Variants in TMEM117 observed in about 807,000 individuals in gnomAD.
TMEM117 encodes transmembrane protein 117.
TMEM117 carries 27 observed loss-of-function variants against 52.4 expected under a neutral mutation model. The ratio of observed to expected loss-of-function variants is 0.51; its 90% CI spans 0.38 to 0.71. TMEM117 has a LOEUF of 0.71. TMEM117 is among the 30% of genes least tolerant of loss of function. The pLI, the probability that TMEM117 is intolerant of heterozygous loss-of-function variation, is 0.00. For synonymous variants in TMEM117, 215 were observed against 206.3 expected, an observed-to-expected ratio of 1.04 and a Z score of -0.36; for missense variants, 556 against 630.5, an observed-to-expected ratio of 0.88 and a Z score of 1.26.
chr12:43,912,532 T>TATATATATATATATATATAG (rs1565747590), intron 2 of TMEM117, among the ~76,000 whole-genome samples: 3 of 120,450 alleles, frequency 2.5e-5, no homozygotes, highest in Admixed American at 1.7e-4. Flanking sequence ...TATATATATA[T>TATATATATATATATATATAG]ATATGGCAGA....
At chr12:44,009,083 C>A in intron 3 of TMEM117, 1 of 359,574 alleles carries the variant, frequency 2.8e-6, no homozygotes, top group Non-Finnish European at 5.4e-6. Context: ...TGTGGTGTTT[C>A]CCATGAAGAC....
chr12:44,022,874 T>G (rs554307891), intron 3 of TMEM117, among the ~76,000 whole-genome samples: 1 of 151,942 alleles, frequency 6.6e-6, no homozygotes, highest in South Asian at 2.1e-4. Context: ...AACAAGGAGG[T>G]TTCATTTTAA....
chr12:44,011,798 A>G (rs1479734194), intron 3 of TMEM117, among the ~76,000 whole-genome samples: 1 of 152,186 alleles, frequency 6.6e-6, no homozygotes, highest in East Asian at 1.9e-4. Context: ...TCTCTCTCAG[A>G]ATATCTTATG....
At chr12:43,990,579 G>A (rs1428862014) in intron 3 of TMEM117, among the ~76,000 whole-genome samples, 1 of 152,084 alleles carries the variant, frequency 6.6e-6, no homozygotes, top group African/African-American at 2.4e-5. Flanking sequence ...ACATTTAATA[G>A]GATTTGTGTG....
chr12:43,977,179 G>A (rs1469956447), intron 3 of TMEM117, among the ~76,000 whole-genome samples: 3 of 152,172 alleles, frequency 2.0e-5, no homozygotes, highest in Non-Finnish European at 4.4e-5. Context: ...AGTATAGCAA[G>A]GAACAGATTA....
At chr12:43,850,187 C>A (rs954426914) in intron 2 of TMEM117, among the ~76,000 whole-genome samples, 1 of 152,064 alleles carries the variant, frequency 6.6e-6, no homozygotes, top group African/African-American at 2.4e-5. Flanking sequence ...GCCCTGTTAT[C>A]CTCCAGACGC....
At chr12:43,892,483 GC>G (rs1944125290) in intron 2 of TMEM117, among the ~76,000 whole-genome samples, 1 of 152,138 alleles carries the variant, frequency 6.6e-6, no homozygotes, top group South Asian at 2.1e-4. Context: ...AATGAACCAG[GC>G]TTTTAAATTA....
chr12:43,985,725 T>C (rs2137734119), intron 3 of TMEM117, among the ~76,000 whole-genome samples: 1 of 152,222 alleles, frequency 6.6e-6, no homozygotes, highest in African/African-American at 2.4e-5. Flanking sequence ...AAAATGAAGG[T>C]GATTAAAAGA....
At chr12:43,920,036 C>G (rs983442961) in intron 2 of TMEM117, among the ~76,000 whole-genome samples, 1 of 151,952 alleles carries the variant, frequency 6.6e-6, no homozygotes, top group South Asian at 2.1e-4. Context: ...AATCTTCTCC[C>G]TGTGGCACAA....
At chr12:44,066,565 G>T (rs549492974) in intron 3 of TMEM117, among the ~76,000 whole-genome samples, 1 of 152,144 alleles carries the variant, frequency 6.6e-6, no homozygotes, top group Non-Finnish European at 1.5e-5. Context: ...TTCCCAATGC[G>T]TATAAAAGCT....
the TMEM117 span, among the ~76,000 whole-genome samples, chr12:43,821,262 G>C: frequency 6.6e-6 from 1 of 152,064 alleles, no homozygotes; most frequent in African/African-American, 2.4e-5. Flanking sequence ...GAAATCTTCT[G>C]CCTTAGCAAA....
rs971029217 is a variant in TMEM117 at position 43,945,674 on chromosome 12, A to C, written c.410+1332A>C. On this transcript the variant is annotated intron_variant, in intron 3 of 7. Transcript: ENST00000266534. ...ATGTAAGGAGATTGGCTTAGTATTA[A>C]AATTAGATTTGTGACAATAATAAAC... Among the ~76,000 whole-genome samples, 7 of 152,310 alleles carry C rather than the reference A, an allele frequency of 4.6e-5. No homozygotes were observed. The South Asian group carries it at 1.2e-3, about 27-fold the overall frequency.
chr12:44,223,790 C>T (rs12579831), intron 5 of TMEM117, among the ~76,000 whole-genome samples: 2 of 152,120 alleles, frequency 1.3e-5, no homozygotes, highest in Non-Finnish European at 2.9e-5. Flanking sequence ...TTGTGAGGTC[C>T]TAAAGCAAAC....
At chr12:43,945,177 T>C (rs1592383077) in intron 3 of TMEM117, among the ~76,000 whole-genome samples, 1 of 150,520 alleles carries the variant, frequency 6.6e-6, no homozygotes, top group South Asian at 2.1e-4. Flanking sequence ...GCTTGTGATA[T>C]ATACTTATCA....
At chr12:44,060,699 G>C (rs1318617565) in intron 3 of TMEM117, among the ~76,000 whole-genome samples, 1 of 152,174 alleles carries the variant, frequency 6.6e-6, no homozygotes, top group Non-Finnish European at 1.5e-5. Flanking sequence ...TAAGAGATGA[G>C]AAAGTCACAA....
At chr12:44,141,144 C>T (rs2138194718) in intron 3 of TMEM117, among the ~76,000 whole-genome samples, 2 of 152,176 alleles carry the variant, frequency 1.3e-5, no homozygotes, top group Middle Eastern at 6.8e-3. Flanking sequence ...AACATATATT[C>T]AAATTGTATA....
chr12:44,041,882 T>G (rs1480335436), intron 3 of TMEM117, among the ~76,000 whole-genome samples: 1 of 152,132 alleles, frequency 6.6e-6, no homozygotes, highest in Non-Finnish European at 1.5e-5. Context: ...ATCATCTCAG[T>G]AGTCACAGAA....
At chr12:43,940,119 C>T (rs1044714853) in intron 2 of TMEM117, among the ~76,000 whole-genome samples, 1 of 152,144 alleles carries the variant, frequency 6.6e-6, no homozygotes, top group Non-Finnish European at 1.5e-5. Context: ...GATACCTTGG[C>T]CTTGACCAAC....
At chr12:43,924,830 T>A (rs10785476) in intron 2 of TMEM117, among the ~76,000 whole-genome samples, 26,151 of 152,064 alleles carry the variant, frequency 0.17, 3,408 homozygotes, top group African/African-American at 0.36. Flanking sequence ...AACATTTGTT[T>A]TCTCATAGTT....
Sources: allele counts gnomAD v4.1 joint callset (sites outside exome capture counted in the v4.1 genomes callset), GRCh38; gene constraint gnomAD v4.1.1; transcripts MANE v1.5; gene names NCBI Gene and HGNC (gene_info 2026-07-23, HGNC 2026-07-21).